The following SEMG2 variants were observed in gnomAD, a reference collection of about 807,000 sequenced individuals.
SEMG2 encodes semenogelin 2.
Under a neutral mutation model 8.1 loss-of-function variants are expected in SEMG2, and 3 were observed. The ratio of observed to expected loss-of-function variants is 0.37; its 90% CI spans 0.17 to 0.96. The LOEUF (loss-of-function observed/expected upper bound fraction) is 0.96. SEMG2 is among the 40% of genes least tolerant of loss of function. The probability of loss-of-function intolerance (pLI) is 0.41; values close to 1 mark genes in which losing one functional copy is unlikely to be tolerated. For missense variants in SEMG2, 726 were observed against 671.2 expected (o/e 1.08, Z -0.90); for synonymous variants, 252 against 231.4 (o/e 1.09, Z -0.81).
At position 45,222,664 on chromosome 20, in the gene SEMG2, T is replaced by C. The variant is rs1161284402; in HGVS notation, c.1032T>C (p.Asn344=). The C allele has an allele frequency of 1.2e-6, 2 of 1,610,976 alleles. No homozygotes were observed. Among genetic ancestry groups the C allele is most frequent in the East Asian group, 4.5e-5 (2 of 44,730 alleles). The change falls in exon 2 of 3, where the codon AAT becomes AAC. Residue 344 remains asparagine (N), a synonymous_variant. Coordinates refer to ENST00000372769, the MANE Select transcript of SEMG2 (RefSeq NM_003008.3). The stretch of plus-strand genomic sequence containing the variant: ...ATCAAGAGCATGGCCATAAGGAAAA[T>C]AAAATATCATACCAATCTTCAAGTA... ...SQDQEHGHKE[N]KISYQSSSTE...
Position 45,222,891 on chromosome 20 carries a change from G to T in SEMG2, c.1259G>T (p.Ser420Ile). ...SSSTEERRLN[S>I]GEKDVQKGVS... is the part of the protein sequence containing the mutation. ...AGTACAGAAGAAAGACGTCTCAACA[G>T]TGGAGAAAAGGATGTACAGAAAGGT... Residue 420 changes from serine (S) to isoleucine (I), a missense_variant, in exon 2 of 3, where the codon AGT becomes ATT. Ser to Ile is a moderately radical substitution (Grantham distance 142, BLOSUM62 -2). Transcript: ENST00000372769. The T allele has an allele frequency of 6.2e-7, 1 of 1,610,414 alleles. No individual in the cohort carries two copies.
chr20:45,223,035 A>G lies in SEMG2; in HGVS notation c.1403A>G (p.Tyr468Cys), dbSNP rs750377933. Reference sequence around the variant, plus strand: ...GGCCATAAGGAAAATAAAATGTCATACCAATCTTCAAGTACAGAAGAAAGA... The same window carrying G: ...GGCCATAAGGAAAATAAAATGTCATGCCAATCTTCAAGTACAGAAGAAAGA... ...EHGHKENKMS[Y>C]QSSSTEERRL... The change falls in exon 2 of 3, where the codon TAC (tyrosine) becomes TGC (cysteine). Residue 468 changes from tyrosine (Y) to cysteine (C), a missense_variant. By Grantham distance (194) the Tyr-to-Cys change is radical. Coordinates refer to ENST00000372769, the MANE Select transcript of SEMG2 (RefSeq NM_003008.3). 1.2e-6 allele frequency: 2 copies of G among 1,614,094 alleles called. No individual in the cohort carries two copies. Among genetic ancestry groups the G allele is most frequent in the Admixed American group, 1.7e-5 (1 of 60,012 alleles).
Position 45,222,857 on chromosome 20 carries a change from C to T in SEMG2, c.1225C>T (p.Gln409Ter). 5 of 1,613,744 alleles carry T rather than the reference C, an allele frequency of 3.1e-6. No homozygotes were observed. Among genetic ancestry groups the T allele is most frequent in the Non-Finnish European group, 3.4e-6 (4 of 1,179,920 alleles). Residue 409 changes from glutamine to a stop codon, truncating the protein, a stop_gained, in exon 2 of 3, where the codon CAA becomes TAA. Coordinates refer to ENST00000372769, the MANE Select transcript of SEMG2 (RefSeq NM_003008.3). LOFTEE classifies it low-confidence loss of function (END_TRUNC). ...CCATAAGGAAAATAAAATATCATAC[C>T]AATCTTCGAGTACAGAAGAAAGACG... ...YGHKENKISYQSSSTEERRLN... is the reference protein window; with the variant it reads ...YGHKENKISY
rs899319949 is a variant in SEMG2, at chr20:45,222,157, A to T, written c.525A>T (p.Gln175His). The T allele has an allele frequency of 6.2e-7, 1 of 1,614,212 alleles. No homozygotes were observed. The highest frequency in any genetic ancestry group is 8.5e-7 in the Non-Finnish European group (1 of 1,180,008). ...RLWVHGLSKEQASASGAQKGR... is the reference protein window; with the variant it reads ...RLWVHGLSKEHASASGAQKGR... ...GGGTTCATGGACTAAGTAAAGAACA[A>T]GCTTCAGCCTCTGGTGCACAAAAAG... is the stretch of plus-strand genomic sequence containing the variant. The change falls in exon 2 of 3, where the codon CAA becomes CAT. Residue 175 changes from glutamine to histidine, a missense_variant. Coordinates refer to ENST00000372769, the MANE Select transcript of SEMG2 (RefSeq NM_003008.3).
In SEMG2 at chr20:45,223,329, A is replaced by T. The variant is rs143330825; in HGVS notation, c.1697A>T (p.Asp566Val). 470 of 1,613,924 alleles carry T rather than the reference A, an allele frequency of 2.9e-4. No individual in the cohort carries two copies. The highest frequency in any genetic ancestry group is 3.4e-4 in the Non-Finnish European group (404 of 1,179,944). The change falls in exon 2 of 3, where the codon GAT (aspartate) becomes GTT (valine). Residue 566 changes from aspartate (D) to valine (V), a missense_variant. Coordinates refer to ENST00000372769, the MANE Select transcript of SEMG2 (RefSeq NM_003008.3). ...IVITEHEVAQ[D>V]DHLTQQYNED... ...ATTACTGAGCATGAGGTTGCCCAAGATGATCATTTGACACAACAATATAAT... is the reference window on the plus strand; with the variant it reads ...ATTACTGAGCATGAGGTTGCCCAAGTTGATCATTTGACACAACAATATAAT...
In SEMG2 at chr20:45,223,071, A is replaced by G. The variant is rs934342556; in HGVS notation, c.1439A>G (p.Tyr480Cys). The G allele has an allele frequency of 5.6e-6, 9 of 1,614,072 alleles. No individual in the cohort carries two copies. The highest frequency in any genetic ancestry group is 5.0e-5 in the Admixed American group (3 of 60,008). Residue 480 changes from tyrosine (Y) to cysteine (C), a missense_variant, in exon 2 of 3, where the codon TAT becomes TGT. Tyr to Cys is a radical substitution (Grantham distance 194, BLOSUM62 -2). Coordinates refer to ENST00000372769, the MANE Select transcript of SEMG2 (RefSeq NM_003008.3). ...SSSTEERRLN[Y>C]GGKSTQKDVS... Reference sequence around the variant, plus strand: ...AGTACAGAAGAAAGACGACTCAACTATGGAGGAAAGAGCACGCAGAAAGAT... The same window carrying G: ...AGTACAGAAGAAAGACGACTCAACTGTGGAGGAAAGAGCACGCAGAAAGAT...
chr20:45,221,627 T>C, intron 1 of SEMG2, 82 bp from the exon 2 acceptor site: 1 of 1,414,166 alleles, frequency 7.1e-7, no homozygotes. Context: ...TATCAGAAAT[T>C]TGTTGGGAAA....
In SEMG2 at chr20:45,222,986, A is replaced by C. The variant is rs749776962; in HGVS notation, c.1354A>C (p.Ile452Leu). 4.8e-5 allele frequency: 77 copies of C among 1,614,018 alleles called. No individual in the cohort carries two copies. The highest frequency in any genetic ancestry group is 1.7e-4 in the Admixed American group (10 of 60,000). The change falls in exon 2 of 3, where the codon ATT becomes CTT. Residue 452 changes from isoleucine (I) to leucine (L), a missense_variant. By Grantham distance (5) the Ile-to-Leu change is conservative (BLOSUM62 2). Coordinates refer to ENST00000372769, the MANE Select transcript of SEMG2 (RefSeq NM_003008.3). ...IHGKSQNQVT[I>L]PSQDQEHGHK... ...TGGCAAGTCTCAAAACCAGGTAACAATTCCTAGTCAAGATCAAGAGCATGG... is the reference window on the plus strand; with the variant it reads ...TGGCAAGTCTCAAAACCAGGTAACACTTCCTAGTCAAGATCAAGAGCATGG...
At chr20:45,221,662 G>A (rs1984015072) in intron 1 of SEMG2, 47 bp from the exon 2 acceptor site, 1 of 1,492,692 alleles carries the variant, frequency 6.7e-7, no homozygotes, top group Non-Finnish European at 9.1e-7. Context: ...AGTTGCAAGA[G>A]AGCTTTGGAG....
At chr20:45,224,032 C>G (rs1013794547) in intron 2 of SEMG2, among the ~76,000 whole-genome samples, 1 of 152,220 alleles carries the variant, frequency 6.6e-6, no homozygotes, top group African/African-American at 2.4e-5. Flanking sequence ...TAACTGGACA[C>G]TTGCAATGTC....
At position 45,223,386 on chromosome 20, in the gene SEMG2, G is replaced by T. The variant is rs370269672; in HGVS notation, c.*5G>T. 15 of 1,587,808 alleles carry T rather than the reference G, an allele frequency of 9.4e-6. No individual in the cohort carries two copies. In the East Asian group the frequency reaches 1.1e-4, roughly 12 times the overall value. ...AGAAATCCAATATCTACATAGCCCT[G>T]TTGCTTAGCAACCACTTGAAAAGCT... is the stretch of plus-strand genomic sequence containing the variant. On this transcript the variant is annotated 3_prime_UTR_variant, in exon 2 of 3. Coordinates refer to ENST00000372769, the MANE Select transcript of SEMG2 (RefSeq NM_003008.3).
chr20:45,221,546 T>A, intron 1 of SEMG2, 81 bp downstream of exon 1: 1 of 1,512,398 alleles, frequency 6.6e-7, no homozygotes, highest in South Asian at 1.2e-5. Context: ...AACAGTAACC[T>A]GTTCAGGCAC....
At chr20:45,223,813 A>T (rs6032060) in intron 2 of SEMG2, among the ~76,000 whole-genome samples, 22,467 of 152,194 alleles carry the variant, frequency 0.15, 1,810 homozygotes, top group Middle Eastern at 0.23. Flanking sequence ...ATATTACAGC[A>T]GTTAATATTT....
chr20:45,223,301 G>T lies in SEMG2; in HGVS notation c.1669G>T (p.Val557Leu), dbSNP rs934291703. 2.5e-6 allele frequency: 4 copies of T among 1,613,990 alleles called. No individual in the cohort carries two copies. In the African/African-American group the frequency reaches 4.0e-5, roughly 16 times the overall value. The change falls in exon 2 of 3, where the codon GTA (valine) becomes TTA (leucine). Residue 557 changes from valine (V) to leucine (L), a missense_variant. Transcript: ENST00000372769. ...KQESSESHNI[V>L]ITEHEVAQDD... Reference sequence around the variant, plus strand: ...GGAATCCAGTGAGTCACATAATATTGTAATTACTGAGCATGAGGTTGCCCA... The same window carrying T: ...GGAATCCAGTGAGTCACATAATATTTTAATTACTGAGCATGAGGTTGCCCA...
In SEMG2 at chr20:45,223,240, C is replaced by T; in HGVS notation, c.1608C>T (p.Asp536=). ...KSGQSADSKQ[D]LLSHEQKGRY... ...GTCAATCTGCAGATAGCAAACAAGA[C>T]CTACTCAGTCATGAACAAAAAGGCA... The change falls in exon 2 of 3, where the codon GAC becomes GAT. Residue 536 remains aspartate (D), a synonymous_variant. Transcript: ENST00000372769. The T allele has an allele frequency of 6.2e-7, 1 of 1,614,136 alleles. No homozygotes were observed.
rs1984053983 is a variant in SEMG2 at position 45,222,806 on chromosome 20, A to G, written c.1174A>G (p.Ile392Val). 3.1e-6 allele frequency: 5 copies of G among 1,614,206 alleles called. No homozygotes were observed. The highest frequency in any genetic ancestry group is 4.2e-6 in the Non-Finnish European group (5 of 1,180,018). The change falls in exon 2 of 3, where the codon ATT (isoleucine) becomes GTT (valine). Residue 392 changes from isoleucine (I) to valine (V), a missense_variant. Coordinates refer to ENST00000372769, the MANE Select transcript of SEMG2 (RefSeq NM_003008.3). ...IHGKSQNQVRIPSQAQEYGHK... is the reference protein window; with the variant it reads ...IHGKSQNQVRVPSQAQEYGHK... ...TGGCAAGTCTCAAAACCAGGTAAGA[A>G]TTCCTAGTCAAGCTCAAGAGTATGG...
chr20:45,223,559 A>G, intron 2 of SEMG2, 134 bp downstream of exon 2: 1 of 503,394 alleles, frequency 2.0e-6, no homozygotes, highest in Non-Finnish European at 3.5e-6. Context: ...GAAGATGAAC[A>G]CCATTTCCTG....
Position 45,222,853 on chromosome 20 carries a change from A to G in SEMG2, c.1221A>G (p.Ser407=). ...ATGGCCATAAGGAAAATAAAATATC[A>G]TACCAATCTTCGAGTACAGAAGAAA... ...QEYGHKENKI[S]YQSSSTEERR... The change falls in exon 2 of 3, where the codon TCA becomes TCG. Residue 407 remains serine (S), a synonymous_variant. Coordinates refer to ENST00000372769, the MANE Select transcript of SEMG2 (RefSeq NM_003008.3). The G allele has an allele frequency of 1.2e-6, 2 of 1,614,042 alleles. No individual in the cohort carries two copies. The highest frequency in any genetic ancestry group is 1.7e-6 in the Non-Finnish European group (2 of 1,179,964).
Position 45,222,198 on chromosome 20 carries a change from G to A in SEMG2, c.566G>A (p.Gly189Glu). The A allele has an allele frequency of 6.2e-7, 1 of 1,614,108 alleles. No individual in the cohort carries two copies. Among genetic ancestry groups the A allele is most frequent in the Non-Finnish European group, 8.5e-7 (1 of 1,180,008 alleles). Residue 189 changes from glycine (G) to glutamate (E), a missense_variant, in exon 2 of 3, where the codon GGA becomes GAA. Physicochemically the swap from Gly to Glu is moderately conservative, Grantham distance 98 (BLOSUM62 -2). Coordinates refer to ENST00000372769, the MANE Select transcript of SEMG2 (RefSeq NM_003008.3). ...SGAQKGRTQG[G>E]SQSSYVLQTE... ...GCACAAAAAGGTAGAACACAAGGTG[G>A]ATCCCAAAGCAGTTATGTTCTCCAA...
Sources: gnomAD v4.1 joint callset for allele counts (sites outside exome capture counted in the v4.1 genomes callset) on GRCh38, gnomAD v4.1.1 for gene constraint, MANE v1.5 for transcripts, NCBI Gene and HGNC (gene_info 2026-07-23, HGNC 2026-07-21) for gene names.